ESRRB: variants seen among roughly 807,000 people sequenced by gnomAD.
ESRRB encodes steroid hormone receptor ERR2.
A neutral mutation model predicts 46.0 loss-of-function variants in ESRRB; 16 were observed. That is an observed-to-expected ratio of 0.35 (90% CI 0.24 to 0.53). ESRRB has a LOEUF of 0.53. Ranked by LOEUF, ESRRB falls within the 20% of genes least tolerant of loss-of-function variation. ESRRB has a pLI of 0.93. For missense variants in ESRRB, 488 were observed against 607.4 expected, an observed-to-expected ratio of 0.80 and a Z score of 2.07; for synonymous variants, 246 against 259.6, an observed-to-expected ratio of 0.95 and a Z score of 0.50.
At chr14:76,466,050 C>A (rs1216790574) in intron 3 of ESRRB, among the ~76,000 whole-genome samples, 1 of 152,196 alleles carries the variant, frequency 6.6e-6, no homozygotes, top group Non-Finnish European at 1.5e-5. Flanking sequence ...CAGGCAAGGC[C>A]CAGGCCCCCC....
At chr14:76,423,559 C>T (rs1263710391) in intron 1 of ESRRB, among the ~76,000 whole-genome samples, 1 of 152,098 alleles carries the variant, frequency 6.6e-6, no homozygotes, top group Non-Finnish European at 1.5e-5. Flanking sequence ...GGGTTCTGCT[C>T]CTGGGGCGCT....
chr14:76,332,584 ATTT>A (rs1464495819), intron 1 of ESRRB, among the ~76,000 whole-genome samples: 1 of 31,004 alleles, frequency 3.2e-5, no homozygotes, highest in Non-Finnish European at 6.1e-5. Flanking sequence ...TATATTATAT[ATTT>A]ATATATTATA....
upstream of ESRRB, among the ~76,000 whole-genome samples, chr14:76,366,362 C>T (rs1357737358): frequency 6.6e-6 from 1 of 152,158 alleles, no homozygotes; most frequent in Non-Finnish European, 1.5e-5. Context: ...TGGATTTGGA[C>T]ACAGCTGGGT....
intron 1 of ESRRB, among the ~76,000 whole-genome samples, chr14:76,377,045 G>A (rs1884798679): frequency 6.6e-6 from 1 of 152,324 alleles, no homozygotes; most frequent in Admixed American, 6.5e-5. Flanking sequence ...CGGGGGATGC[G>A]GGCCCAGCGC....
chr14:76,364,982 C>T (rs1050429336), intron 1 of ESRRB, among the ~76,000 whole-genome samples: 3 of 152,016 alleles, frequency 2.0e-5, no homozygotes, highest in Admixed American at 6.5e-5. Flanking sequence ...CTGTTCGGAA[C>T]GAAGAATACA....
intron 1 of ESRRB, among the ~76,000 whole-genome samples, chr14:76,411,074 G>A (rs181859463): frequency 9.9e-5 from 15 of 151,330 alleles, no homozygotes; most frequent in Middle Eastern, 3.4e-3. Context: ...AAGAGCCACC[G>A]CGCCTGGCCC....
At chr14:76,427,102 C>T (rs943391533) in intron 1 of ESRRB, among the ~76,000 whole-genome samples, 1 of 152,138 alleles carries the variant, frequency 6.6e-6, no homozygotes, top group Non-Finnish European at 1.5e-5. Context: ...CTCTCTGCTG[C>T]CAGCTTCGAT....
intron 1 of ESRRB, among the ~76,000 whole-genome samples, chr14:76,434,117 C>T (rs1271505852): frequency 6.6e-6 from 1 of 152,200 alleles, no homozygotes; most frequent in Non-Finnish European, 1.5e-5. Context: ...TGCCACCATG[C>T]CTGGCGTGAG....
chr14:76,364,427 G>A (rs1041844771), intron 1 of ESRRB, among the ~76,000 whole-genome samples: 12 of 152,178 alleles, frequency 7.9e-5, no homozygotes, highest in Admixed American at 1.3e-4. Flanking sequence ...AGTGGCTCAC[G>A]CCTGTAATCC....
intron 3 of ESRRB, among the ~76,000 whole-genome samples, chr14:76,471,438 G>A (rs1818686283): frequency 6.6e-6 from 1 of 152,150 alleles, no homozygotes; most frequent in Non-Finnish European, 1.5e-5. Flanking sequence ...TGGTCTTCAA[G>A]ACCTTGCATG....
intron 1 of ESRRB, among the ~76,000 whole-genome samples, chr14:76,331,661 T>C (rs1245010700): frequency 6.6e-6 from 1 of 152,092 alleles, no homozygotes; most frequent in Non-Finnish European, 1.5e-5. Context: ...CCTGTCCTCT[T>C]GTCCAGGGGG....
chr14:76,332,879 A>T (rs1237168972), intron 1 of ESRRB, among the ~76,000 whole-genome samples: 18 of 27,606 alleles, frequency 6.5e-4, no homozygotes, highest in African/African-American at 2.1e-3. Context: ...ATATTTTTTT[A>T]TATATTATAT....
intron 2 of ESRRB, among the ~76,000 whole-genome samples, chr14:76,448,192 C>T (rs1450402400): frequency 1.3e-5 from 2 of 152,120 alleles, no homozygotes; most frequent in Non-Finnish European, 1.5e-5. Flanking sequence ...ATTCTCTCCT[C>T]TCATTCCTCC....
intron 1 of ESRRB, among the ~76,000 whole-genome samples, chr14:76,365,918 T>C (rs1361338198): frequency 6.6e-6 from 1 of 152,222 alleles, no homozygotes; most frequent in Non-Finnish European, 1.5e-5. Flanking sequence ...CCTCTCTTAT[T>C]GCTCGCTGAC....
At chr14:76,336,014 A>T (rs576095683) in intron 1 of ESRRB, among the ~76,000 whole-genome samples, 1 of 152,372 alleles carries the variant, frequency 6.6e-6, no homozygotes, top group South Asian at 2.1e-4. Context: ...CACAGCAAAT[A>T]ACGGGCAGAG....
At chr14:76,497,168 A>G (rs1434252189) in intron 6 of ESRRB, among the ~76,000 whole-genome samples, 3 of 152,030 alleles carry the variant, frequency 2.0e-5, no homozygotes, top group African/African-American at 7.2e-5. Flanking sequence ...GTGTAGGATT[A>G]GGGCCTTGCT....
At chr14:76,358,331 GAAAGAAAGAA>G (rs1467197771) in intron 1 of ESRRB, among the ~76,000 whole-genome samples, 1 of 12,426 alleles carries the variant, frequency 8.0e-5, no homozygotes, top group Non-Finnish European at 1.3e-4. Flanking sequence ...AAAAAAGAAA[GAAAGAAAGAA>G]AGAAAGAAAG....
upstream of ESRRB, among the ~76,000 whole-genome samples, chr14:76,374,072 C>T (rs1238794480): frequency 1.3e-5 from 2 of 152,232 alleles, no homozygotes; most frequent in African/African-American, 4.8e-5. Context: ...GCCTCACCTT[C>T]TTCCTGGGCA....
chr14:76,389,354 C>T (rs1352547072), intron 1 of ESRRB, among the ~76,000 whole-genome samples: 1 of 152,088 alleles, frequency 6.6e-6, no homozygotes, highest in Non-Finnish European at 1.5e-5. Flanking sequence ...TATTTTTTCT[C>T]CTAGATCATG....
Sources: allele counts gnomAD v4.1 joint callset (sites outside exome capture counted in the v4.1 genomes callset), GRCh38; gene constraint gnomAD v4.1.1; transcripts MANE v1.5; gene names NCBI Gene and HGNC (gene_info 2026-07-23, HGNC 2026-07-21).